The following RIMS1 variants were observed in gnomAD, a reference collection of about 807,000 sequenced individuals.
The protein encoded by RIMS1 is regulating synaptic membrane exocytosis protein 1.
RIMS1 carries 83 observed loss-of-function variants against 214.1 expected under a neutral mutation model. The ratio of observed to expected loss-of-function variants is 0.39; its 90% CI spans 0.32 to 0.47. RIMS1 has a LOEUF of 0.47. Among genes scored for constraint, RIMS1 ranks in the 20% least tolerant of loss-of-function variants. RIMS1 has a pLI of 0.99. For missense variants in RIMS1, 2,050 were observed against 2,161.8 expected (o/e 0.95, Z 1.03); for synonymous variants, 793 against 786.8 (o/e 1.01, Z -0.13).
chr6:72,089,330 G>T (rs1025972387), intron 2 of RIMS1, among the ~76,000 whole-genome samples: 3 of 152,284 alleles, frequency 2.0e-5, no homozygotes, highest in South Asian at 2.1e-4. Context: ...TGTGGCTCTT[G>T]TGGTGGCTTC....
intron 6 of RIMS1, among the ~76,000 whole-genome samples, chr6:72,207,583 C>A (rs1427452758): frequency 2.0e-5 from 3 of 152,142 alleles, no homozygotes; most frequent in Non-Finnish European, 2.9e-5. Flanking sequence ...ATTACTTGAA[C>A]TGTAGTTCTG....
chr6:71,911,879 T>G (rs959350575), intron 1 of RIMS1, among the ~76,000 whole-genome samples: 3 of 152,160 alleles, frequency 2.0e-5, no homozygotes, highest in African/African-American at 7.2e-5. Flanking sequence ...ACATTTGATA[T>G]TTCTTAAATT....
chr6:72,255,769 G>C (rs968995919), intron 16 of RIMS1, among the ~76,000 whole-genome samples: 1 of 152,268 alleles, frequency 6.6e-6, no homozygotes, highest in East Asian at 1.9e-4. Context: ...CGGGCACGGT[G>C]GCTCACGCCT....
intron 1 of RIMS1, among the ~76,000 whole-genome samples, chr6:71,941,108 A>G (rs537885794): frequency 6.6e-6 from 1 of 152,254 alleles, no homozygotes; most frequent in African/African-American, 2.4e-5. Context: ...TGATGTATCA[A>G]TGTAGTTTTT....
Position 71,910,427 on chromosome 6 carries a change from T to G in RIMS1, c.164+23240T>G, listed in dbSNP as rs1360835675. Among the ~76,000 whole-genome samples, 6 of 152,210 alleles carry G rather than the reference T, an allele frequency of 3.9e-5. No homozygotes were observed. The East Asian group carries it at 9.6e-4, about 24-fold the overall frequency. On this transcript the variant is annotated intron_variant, in intron 1 of 33. Coordinates refer to ENST00000521978, the MANE Select transcript of RIMS1 (RefSeq NM_014989.7). Reference sequence around the variant, plus strand: ...TGGGATCCCTGGGCTGAAAAGAGGATCTGGCCCAGGCAGTGGTAGCCAGTT... The same window carrying G: ...TGGGATCCCTGGGCTGAAAAGAGGAGCTGGCCCAGGCAGTGGTAGCCAGTT...
At chr6:72,184,782 A>C (rs2048868462) in intron 6 of RIMS1, among the ~76,000 whole-genome samples, 1 of 152,010 alleles carries the variant, frequency 6.6e-6, no homozygotes, top group African/African-American at 2.4e-5. Flanking sequence ...AAAAGTGCCA[A>C]AAAGGACATT....
At position 72,277,013 on chromosome 6, in the gene RIMS1, A is replaced by G. The variant is rs190312637; in HGVS notation, c.3482+2581A>G. Among the ~76,000 whole-genome samples, 91 of 152,326 alleles carry G rather than the reference A, an allele frequency of 6.0e-4. 2 individuals are homozygous for G. The highest frequency in any genetic ancestry group is 5.6e-3 in the South Asian group (27 of 4,830). ...AGTTAATGACAATTTATACAATTCA[A>G]CTTTGGATATCTTCTATCAGGGCCA... On this transcript the variant is annotated intron_variant, in intron 23 of 33. Coordinates refer to ENST00000521978, the MANE Select transcript of RIMS1 (RefSeq NM_014989.7).
Position 72,271,279 on chromosome 6 carries a change from AAAAAAAAATAT to A in RIMS1, c.3399-3068_3399-3058del, listed in dbSNP as rs1414474691. ...AGACTCCATCTCAAGGAAAAAAAAA[AAAAAAAAATAT>A]ATATATATATATATATATATATATA... On this transcript the variant is annotated intron_variant, in intron 22 of 33. Coordinates refer to ENST00000521978, the MANE Select transcript of RIMS1 (RefSeq NM_014989.7). 2.5e-3 allele frequency among the ~76,000 whole-genome samples: 164 copies of A among 66,808 alleles called. 2 individuals are homozygous for A. In the East Asian group the frequency reaches 0.1, roughly 41 times the overall value. The allele number at this position is 66,808 out of a possible 152,430, so 43.8% of individuals were successfully genotyped here.
At chr6:72,259,476 A>G (rs942210731) in intron 18 of RIMS1, among the ~76,000 whole-genome samples, 6 of 152,154 alleles carry the variant, frequency 3.9e-5, no homozygotes, top group African/African-American at 1.4e-4. Context: ...AATCATAAAA[A>G]TTATGTTATT....
At chr6:72,398,414 T>C (rs1045603100) in intron 32 of RIMS1, 64 bp downstream of exon 32, 9 of 921,712 alleles carry the variant, frequency 9.8e-6, no homozygotes, top group Non-Finnish European at 1.5e-5. Context: ...ATAAAAACAT[T>C]TGCTGCATTT....
chr6:71,954,629 G>T lies in RIMS1; in HGVS notation c.165-14354G>T, dbSNP rs1035682895. Among the ~76,000 whole-genome samples, 11 of 151,778 alleles carry T rather than the reference G, an allele frequency of 7.2e-5. No individual in the cohort carries two copies. The East Asian group carries it at 7.7e-4, about 11-fold the overall frequency. On this transcript the variant is annotated intron_variant, in intron 1 of 33. Coordinates refer to ENST00000521978, the MANE Select transcript of RIMS1 (RefSeq NM_014989.7). ...AAGCACATTAAATTATATTCTACTG[G>T]CATGAAGGATGACATATCCTTAAAT...
intron 16 of RIMS1, among the ~76,000 whole-genome samples, chr6:72,257,688 T>G (rs2076440645): frequency 6.6e-6 from 1 of 152,122 alleles, no homozygotes; most frequent in Admixed American, 6.6e-5. Context: ...CTAAAATAAT[T>G]TATTCTCTAG....
chr6:71,907,699 G>A (rs1332236972), intron 1 of RIMS1, among the ~76,000 whole-genome samples: 1 of 152,098 alleles, frequency 6.6e-6, no homozygotes, highest in Admixed American at 6.6e-5. Flanking sequence ...TCAATACCAA[G>A]TTTTAGCTCA....
intron 29 of RIMS1, among the ~76,000 whole-genome samples, chr6:72,338,098 A>T (rs2096910295): frequency 6.6e-6 from 1 of 151,730 alleles, no homozygotes; most frequent in Non-Finnish European, 1.5e-5. Context: ...TCCTTTGGGT[A>T]TATACCCAGT....
At chr6:72,287,779 A>T (rs960543796) in intron 24 of RIMS1, among the ~76,000 whole-genome samples, 2 of 152,030 alleles carry the variant, frequency 1.3e-5, no homozygotes, top group Admixed American at 1.3e-4. Flanking sequence ...TTTTTAGTAG[A>T]GACGGGGTTT....
At chr6:72,035,289 C>A (rs1370865017) in intron 2 of RIMS1, among the ~76,000 whole-genome samples, 6 of 152,080 alleles carry the variant, frequency 3.9e-5, no homozygotes, top group African/African-American at 1.4e-4. Flanking sequence ...CAGATACCTA[C>A]AAATGGTGAG....
At chr6:71,985,589 G>A (rs997675986) in intron 2 of RIMS1, among the ~76,000 whole-genome samples, 1 of 152,062 alleles carries the variant, frequency 6.6e-6, no homozygotes, top group African/African-American at 2.4e-5. Context: ...CCTATTTAAA[G>A]TTTGAAATAT....
intron 4 of RIMS1, among the ~76,000 whole-genome samples, chr6:72,149,372 T>C (rs1470975080): frequency 6.6e-6 from 1 of 152,210 alleles, no homozygotes; most frequent in Non-Finnish European, 1.5e-5. Flanking sequence ...CCCCCTCCAG[T>C]TGCAGACTGG....
intron 4 of RIMS1, among the ~76,000 whole-genome samples, chr6:72,107,197 C>A (rs958027183): frequency 1.3e-5 from 2 of 152,122 alleles, no homozygotes; most frequent in African/African-American, 4.8e-5. Context: ...AATATATACA[C>A]CCTTGAATAC....
Sources: allele counts gnomAD v4.1 joint callset (sites outside exome capture counted in the v4.1 genomes callset), GRCh38; gene constraint gnomAD v4.1.1; transcripts MANE v1.5; gene names NCBI Gene and HGNC (gene_info 2026-07-23, HGNC 2026-07-21).